The following ADAMTS14 variants were observed in gnomAD, a reference collection of about 807,000 sequenced individuals.
ADAMTS14 encodes ADAM metallopeptidase with thrombospondin type 1 motif 14, also known as A disintegrin and metalloproteinase with thrombospondin motifs 14.
Under a neutral mutation model 128.6 loss-of-function variants are expected in ADAMTS14, and 100 were observed. That is an observed-to-expected ratio of 0.78 (90% CI 0.66 to 0.92). The LOEUF (loss-of-function observed/expected upper bound fraction) is 0.92. Ranked by LOEUF, ADAMTS14 falls within the 40% of genes least tolerant of loss-of-function variation. The pLI is 0.00. For synonymous variants in ADAMTS14, 665 were observed against 653.8 expected (o/e 1.02, Z -0.26); for missense variants, 1,562 against 1,658.6 (o/e 0.94, Z 1.01).
chr10:70,712,779 G>C (rs1165597839), intron 4 of ADAMTS14, among the ~76,000 whole-genome samples: 1 of 152,126 alleles, frequency 6.6e-6, no homozygotes, highest in African/African-American at 2.4e-5. Context: ...TGAAGCACAA[G>C]TTTTTATTCT....
intron 7 of ADAMTS14, among the ~76,000 whole-genome samples, chr10:70,733,406 GC>G (rs1201242334): frequency 2.0e-5 from 3 of 152,230 alleles, no homozygotes; most frequent in Non-Finnish European, 4.4e-5. Context: ...CAAGAGGCAG[GC>G]GCTGACAGGG....
intron 15 of ADAMTS14, 78 bp from the exon 16 acceptor site, chr10:70,749,744 C>T (rs1842293770): frequency 1.3e-6 from 2 of 1,519,978 alleles, no homozygotes. Flanking sequence ...ACTGGGAAGG[C>T]CTTGAATTTC....
chr10:70,747,075 T>A (rs1842201376), intron 15 of ADAMTS14, among the ~76,000 whole-genome samples: 1 of 152,208 alleles, frequency 6.6e-6, no homozygotes, highest in Non-Finnish European at 1.5e-5. Flanking sequence ...ATTCATATTT[T>A]TAGATTATCA....
chr10:70,709,495 G>GTTTTT (rs746940189), intron 4 of ADAMTS14, among the ~76,000 whole-genome samples: 1,404 of 101,768 alleles, frequency 0.014, 92 homozygotes, highest in South Asian at 0.025. Flanking sequence ...AACATTTCCA[G>GTTTTT]TTTTTTTTTT....
intron 4 of ADAMTS14, among the ~76,000 whole-genome samples, chr10:70,709,690 C>T (rs77175269): frequency 0.07 from 10,668 of 151,906 alleles, 488 homozygotes; most frequent in East Asian, 0.16. Context: ...TTAGTAGAGA[C>T]GGGATTTCAC....
intron 4 of ADAMTS14, among the ~76,000 whole-genome samples, chr10:70,711,800 G>A (rs953160241): frequency 2.6e-5 from 4 of 152,144 alleles, no homozygotes; most frequent in Non-Finnish European, 5.9e-5. Flanking sequence ...TGGTATCCAC[G>A]AGAGAAGCGG....
intron 19 of ADAMTS14, among the ~76,000 whole-genome samples, chr10:70,757,223 G>A (rs1051147466): frequency 3.3e-5 from 5 of 152,140 alleles, no homozygotes; most frequent in Admixed American, 3.3e-4. Flanking sequence ...CAGGTCCAGG[G>A]GACGATGTGT....
chr10:70,744,679 A>G lies in ADAMTS14; in HGVS notation c.2182+490A>G, dbSNP rs59738393. Among the ~76,000 whole-genome samples the G allele has an allele frequency of 7.8e-3, 1,195 of 152,232 alleles. 12 individuals are homozygous for G. The highest frequency in any genetic ancestry group is 0.027 in the African/African-American group (1,128 of 41,528). ...GACTTGCTGTGGAAAAGAACCAGAT[A>G]TCAGTCCTTCACACTTTAGTATAAA... On this transcript the variant is annotated intron_variant, in intron 14 of 21. Transcript: ENST00000373207.
chr10:70,741,285 A>G (rs1361025320), intron 12 of ADAMTS14, 123 bp downstream of exon 12: 10 of 1,210,308 alleles, frequency 8.3e-6, no homozygotes, highest in Non-Finnish European at 1.1e-5. Context: ...TGGGGGTGCC[A>G]AAAGGGACAC....
intron 4 of ADAMTS14, among the ~76,000 whole-genome samples, chr10:70,709,952 G>A (rs117268431): frequency 0.011 from 1,684 of 152,302 alleles, 18 homozygotes; most frequent in Non-Finnish European, 0.018. Flanking sequence ...AGAGCATATG[G>A]CCTTTGTCAG....
At chr10:70,739,594 C>T (rs1050504992) in intron 11 of ADAMTS14, among the ~76,000 whole-genome samples, 3 of 152,024 alleles carry the variant, frequency 2.0e-5, no homozygotes, top group African/African-American at 7.2e-5. Flanking sequence ...CTGTTTAGAA[C>T]AGCACCACGG....
Position 70,760,676 on chromosome 10 carries a change from C to T in ADAMTS14, c.3495C>T (p.Pro1165=), listed in dbSNP as rs754470986. The change falls in exon 22 of 22, where the codon CCC becomes CCT. Residue 1165 remains proline, a synonymous_variant. Transcript: ENST00000373207. ...LDTSSPGTQH[P]FAPETPIPGA... is the part of the protein sequence containing the mutation. ...CAAGCTCCCCAGGGACCCAGCATCC[C>T]TTTGCCCCTGAGACACCAATCCCTG... The T allele has an allele frequency of 4.3e-6, 7 of 1,614,076 alleles. No individual in the cohort carries two copies. Among genetic ancestry groups the T allele is most frequent in the African/African-American group, 2.7e-5 (2 of 74,936 alleles).
intron 16 of ADAMTS14, among the ~76,000 whole-genome samples, chr10:70,750,297 G>A (rs923906658): frequency 6.6e-6 from 1 of 152,176 alleles, no homozygotes; most frequent in African/African-American, 2.4e-5. Context: ...GGTCATCCTG[G>A]CATAATCCCA....
intron 4 of ADAMTS14, among the ~76,000 whole-genome samples, chr10:70,727,154 G>A (rs1361159722): frequency 2.0e-5 from 3 of 152,216 alleles, no homozygotes; most frequent in African/African-American, 7.2e-5. Context: ...TGGGACTGGG[G>A]CTTGGTGATG....
At chr10:70,713,100 C>T (rs1430194038) in intron 4 of ADAMTS14, among the ~76,000 whole-genome samples, 1 of 152,206 alleles carries the variant, frequency 6.6e-6, no homozygotes, top group African/African-American at 2.4e-5. Context: ...TTCTTTCTCT[C>T]ATCTTTCAGA....
chr10:70,700,032 C>T (rs1055392750), intron 2 of ADAMTS14, among the ~76,000 whole-genome samples: 2 of 151,930 alleles, frequency 1.3e-5, no homozygotes, highest in African/African-American at 4.8e-5. Context: ...GTGCAGAAAG[C>T]GGGATGGGAT....
chr10:70,696,924 G>A (rs978117707), intron 2 of ADAMTS14, among the ~76,000 whole-genome samples: 1 of 152,174 alleles, frequency 6.6e-6, no homozygotes, highest in East Asian at 1.9e-4. Context: ...TCTGATCCTT[G>A]TGTGTATCAC....
chr10:70,724,639 G>A (rs565905998), intron 4 of ADAMTS14, among the ~76,000 whole-genome samples: 1 of 152,304 alleles, frequency 6.6e-6, no homozygotes, highest in African/African-American at 2.4e-5. Context: ...CTTGGCCTGT[G>A]CAAAGTCTCA....
At chr10:70,745,387 C>G in intron 15 of ADAMTS14, 81 bp downstream of exon 15, 1 of 1,428,916 alleles carries the variant, frequency 7.0e-7, no homozygotes, top group African/African-American at 1.4e-5. Context: ...GACCAGAGGA[C>G]AAGATTCTAG....
Sources: allele counts gnomAD v4.1 joint callset (sites outside exome capture counted in the v4.1 genomes callset), GRCh38; gene constraint gnomAD v4.1.1; transcripts MANE v1.5; gene names NCBI Gene and HGNC (gene_info 2026-07-23, HGNC 2026-07-21).